Variants in SYT7 observed in about 807,000 individuals in gnomAD.
SYT7 encodes synaptotagmin 7, also known as synaptotagmin-7.
In SYT7, 29 loss-of-function variants were observed where a neutral mutation model predicts 75.1. The ratio of observed to expected loss-of-function variants is 0.39; its 90% CI spans 0.29 to 0.53. The LOEUF (loss-of-function observed/expected upper bound fraction) is 0.53, where lower values mean the gene tolerates loss of function less well. SYT7 is among the 20% of genes least tolerant of loss of function. The probability of loss-of-function intolerance (pLI) is 0.77; values close to 1 mark genes in which losing one functional copy is unlikely to be tolerated. For synonymous variants in SYT7, 376 were observed against 401.7 expected, an observed-to-expected ratio of 0.94 and a Z score of 0.76; for missense variants, 693 against 953.2, an observed-to-expected ratio of 0.73 and a Z score of 3.59.
intron 9 of SYT7, among the ~76,000 whole-genome samples, chr11:61,527,602 G>C (rs967937912): frequency 2.0e-5 from 3 of 152,094 alleles, no homozygotes; most frequent in African/African-American, 7.2e-5. Context: ...TTCCCTCCTC[G>C]GCCTCTGGCT....
chr11:61,522,233 A>G (rs1361463009), intron 12 of SYT7, among the ~76,000 whole-genome samples: 4 of 142,014 alleles, frequency 2.8e-5, no homozygotes, highest in Admixed American at 1.5e-4. Context: ...TCTGTTGCGC[A>G]GGCTGGAGTG....
chr11:61,538,359 G>GAGAT, intron 6 of SYT7, 93 bp from the exon 7 acceptor site: 1 of 757,532 alleles, frequency 1.3e-6, no homozygotes, highest in South Asian at 2.0e-5. Flanking sequence ...GAGAGAGAGA[G>GAGAT]AGAGAGAGAG....
chr11:61,535,159 G>C (rs1003917473), intron 7 of SYT7, among the ~76,000 whole-genome samples: 1 of 152,184 alleles, frequency 6.6e-6, no homozygotes, highest in Non-Finnish European at 1.5e-5. Context: ...ACCGGCCCAG[G>C]GCAGCCCTGT....
chr11:61,543,270 G>C (rs1161402337), intron 5 of SYT7, among the ~76,000 whole-genome samples: 1 of 152,180 alleles, frequency 6.6e-6, no homozygotes, highest in African/African-American at 2.4e-5. Flanking sequence ...TGGGACCTTG[G>C]AAATATCTCC....
upstream of SYT7, chr11:61,581,278 C>CCGCCCCG (rs1012899540): frequency 8.1e-5 from 12 of 148,292 alleles, no homozygotes; most frequent in African/African-American, 2.2e-4. Context: ...GGCACGGCCG[C>CCGCCCCG]CGCCCCGCGC....
chr11:61,517,986 C>T lies in SYT7; in HGVS notation c.*641G>A, dbSNP rs1273361140. ...CCTCTCACACCCCCGGCCTCCAACC[C>T]TGCCTGGCCTTCACAAAACCTGCCT... On this transcript the variant is annotated 3_prime_UTR_variant, in exon 13 of 13. Transcript: ENST00000539008. 1 of 175,686 alleles carries T rather than the reference C, an allele frequency of 5.7e-6. No homozygotes were observed. The highest frequency in any genetic ancestry group is 2.4e-5 in the African/African-American group (1 of 42,434). The allele number at this position is 175,686 out of a possible 1,614,324, so 10.9% of individuals were successfully genotyped here.
At chr11:61,564,801 A>AT (rs2063724547) in intron 1 of SYT7, among the ~76,000 whole-genome samples, 1 of 151,982 alleles carries the variant, frequency 6.6e-6, no homozygotes. Context: ...TGACACACAC[A>AT]CCTTTTCTGG....
intron 7 of SYT7, among the ~76,000 whole-genome samples, chr11:61,535,001 G>A (rs1374820028): frequency 6.6e-6 from 1 of 152,228 alleles, no homozygotes; most frequent in East Asian, 1.9e-4. Flanking sequence ...GAACGTTAGA[G>A]TTATTTGGCC....
In SYT7 at chr11:61,523,802, A is replaced by G. The variant is rs2062424024; in HGVS notation, c.1756+25T>C. ...TCACCAGCACCTCCCCGGCCCGCCC[A>G]TCCTCTGCTGGAGAAGCCCCGTACC... On this transcript the variant is annotated intron_variant, in intron 11 of 12. Transcript: ENST00000539008. The surrounding 1 kb of genome is among the most constrained non-coding windows in gnomAD (Gnocchi z 5.0). The G allele has an allele frequency of 1.2e-6, 2 of 1,607,718 alleles. No individual in the cohort carries two copies. Among genetic ancestry groups the G allele is most frequent in the East Asian group, 4.5e-5 (2 of 44,794 alleles).
At position 61,523,403 on chromosome 11, in the gene SYT7, C is replaced by A; in HGVS notation, c.1757-129G>T. ...CTTTCCCCAGAGGCAAGGAAAGACC[C>A]AGGCAAGAACAAGAGGGACCTGGGA... On this transcript the variant is annotated intron_variant, in intron 11 of 12. Transcript: ENST00000539008. The surrounding 1 kb of genome is among the most constrained non-coding windows in gnomAD (Gnocchi z 5.0). 1.2e-6 allele frequency: 1 copy of A among 862,822 alleles called. No individual in the cohort carries two copies. Among genetic ancestry groups the A allele is most frequent in the Non-Finnish European group, 1.8e-6 (1 of 545,562 alleles). The allele number at this position is 862,822 out of a possible 1,614,324, so 53.4% of individuals were successfully genotyped here. A position where few individuals can be genotyped will look rare whatever the true frequency, so the allele number is the denominator to read the frequency against.
intron 8 of SYT7, chr11:61,531,072 C>A (rs2062690700): frequency 1.0e-6 from 1 of 985,330 alleles, no homozygotes; most frequent in African/African-American, 1.7e-5. Context: ...GTCTCTTGAC[C>A]CCCAGATTCC....
chr11:61,537,800 T>C (rs1326753275), intron 7 of SYT7, among the ~76,000 whole-genome samples: 2 of 151,218 alleles, frequency 1.3e-5, no homozygotes, highest in African/African-American at 2.4e-5. Flanking sequence ...GGATTTCCAG[T>C]TGGGGTGGGG....
chr11:61,555,818 C>T (rs1037367701), intron 2 of SYT7, among the ~76,000 whole-genome samples: 2 of 152,040 alleles, frequency 1.3e-5, no homozygotes, highest in Non-Finnish European at 2.9e-5. Context: ...CGTGCGAATG[C>T]CTGTGAGTCC....
Position 61,542,095 on chromosome 11 carries a change from T to C in SYT7, c.941+116A>G, listed in dbSNP as rs2135238820. ...GGGCTGCCAAGTCTGCTTGGCACCC[T>C]GCCAAGGGGATGGAGGGCCGGGAGG... On this transcript the variant is annotated intron_variant, in intron 6 of 12. Transcript: ENST00000539008. This position sits in a 1 kb window ranked among gnomAD's most constrained non-coding sequence, Gnocchi z 7.8. 1.5e-6 allele frequency: 2 copies of C among 1,377,560 alleles called. No individual in the cohort carries two copies. Among genetic ancestry groups the C allele is most frequent in the Non-Finnish European group, 1.9e-6 (2 of 1,046,968 alleles). The allele number at this position is 1,377,560 out of a possible 1,614,324, so 85.3% of individuals were successfully genotyped here.
At position 61,523,868 on chromosome 11, in the gene SYT7, T is replaced by C; in HGVS notation, c.1715A>G (p.Lys572Arg). 1 of 1,614,014 alleles carries C rather than the reference T, an allele frequency of 6.2e-7. No homozygotes were observed. Among genetic ancestry groups the C allele is most frequent in the Non-Finnish European group, 8.5e-7 (1 of 1,179,956 alleles). Reference protein sequence around the residue: ...SANSIIVNIIKARNLKAMDIG... With the variant: ...SANSIIVNIIRARNLKAMDIG... ...GTCCATGGCTTTGAGGTTCCGGGCT[T>C]TGATGATGTTCACGATGATGGAGTT... Residue 572 changes from lysine (K) to arginine (R), a missense_variant, in exon 11 of 13, where the codon AAA becomes AGA. By Grantham distance (26) the Lys-to-Arg change is conservative. This residue lies in a region of SYT7 where 206 missense variants were observed against 360.0 expected (regional missense o/e 0.57). Transcript: ENST00000539008. The surrounding 1 kb of genome is among the most constrained non-coding windows in gnomAD (Gnocchi z 5.0).
chr11:61,528,448 G>C (rs73496248), intron 8 of SYT7, among the ~76,000 whole-genome samples: 1 of 152,014 alleles, frequency 6.6e-6, no homozygotes, highest in Non-Finnish European at 1.5e-5. Flanking sequence ...GGCTCTCCTC[G>C]CAGCCCTGGG....
Position 61,527,168 on chromosome 11 carries a change from C to T in SYT7, c.1471+747G>A, listed in dbSNP as rs530137137. 3.9e-5 allele frequency among the ~76,000 whole-genome samples: 6 copies of T among 152,222 alleles called. No homozygotes were observed. In the East Asian group the frequency reaches 9.7e-4, roughly 25 times the overall value. ...GAGAGAGAAAGGACATTTGTCTCAG[C>T]GGCCTCCAGGCATGGTTCAGAGCTG... is the stretch of plus-strand genomic sequence containing the variant. On this transcript the variant is annotated intron_variant, in intron 9 of 12. Coordinates refer to ENST00000539008, the MANE Select transcript of SYT7 (RefSeq NM_001365809.2).
chr11:61,560,623 T>C (rs535454739), intron 1 of SYT7, among the ~76,000 whole-genome samples: 16 of 152,304 alleles, frequency 1.1e-4, no homozygotes, highest in African/African-American at 3.4e-4. Context: ...AGTGACATGA[T>C]GTCCTCGGCC....
intron 12 of SYT7, among the ~76,000 whole-genome samples, chr11:61,520,275 G>A (rs1043135425): frequency 3.7e-4 from 56 of 152,008 alleles, no homozygotes; most frequent in Non-Finnish European, 1.8e-4. Context: ...CGTAATCCCA[G>A]CACTGTAGGA....
Sources: allele counts gnomAD v4.1 joint callset (sites outside exome capture counted in the v4.1 genomes callset), GRCh38; gene constraint gnomAD v4.1.1; regional missense constraint gnomAD v4.1.1; non-coding constraint Gnocchi (gnomAD v3.1); transcripts MANE v1.5; gene names NCBI Gene and HGNC (gene_info 2026-07-23, HGNC 2026-07-21).